The following DPP10 variants were observed in gnomAD, a reference collection of about 807,000 sequenced individuals.
The protein encoded by DPP10 is dipeptidyl peptidase like 10.
A neutral mutation model predicts 120.9 loss-of-function variants in DPP10; 33 were observed. That is an observed-to-expected ratio of 0.27 (90% CI 0.21 to 0.37). The LOEUF (loss-of-function observed/expected upper bound fraction) is 0.37, where lower values mean the gene tolerates loss of function less well. Ranked by LOEUF, DPP10 falls within the 10% of genes least tolerant of loss-of-function variation. DPP10 has a pLI of 1.00. For synonymous variants in DPP10, 337 were observed against 326.1 expected (o/e 1.03, Z -0.36); for missense variants, 816 against 942.8 (o/e 0.87, Z 1.76).
At chr2:114,455,726 T>A (rs1034856002) in intron 1 of DPP10, among the ~76,000 whole-genome samples, 1 of 59,008 alleles carries the variant, frequency 1.7e-5, no homozygotes, top group African/African-American at 5.2e-5. Context: ...CACAAATTCA[T>A]TTGTTTTTTT....
At chr2:114,706,801 G>A (rs1414947134) in intron 1 of DPP10, among the ~76,000 whole-genome samples, 1 of 152,210 alleles carries the variant, frequency 6.6e-6, no homozygotes, top group Non-Finnish European at 1.5e-5. Flanking sequence ...TCCAGGCAGT[G>A]GAGGAGCAGA....
At chr2:114,900,499 G>C (rs898282609) in intron 1 of DPP10, among the ~76,000 whole-genome samples, 2 of 152,132 alleles carry the variant, frequency 1.3e-5, no homozygotes, top group Non-Finnish European at 2.9e-5. Context: ...TCAGAAATTT[G>C]GATTTTCTCA....
chr2:114,789,733 G>A lies in DPP10; in HGVS notation c.60+346895G>A, dbSNP rs189338824. ...AAATAAATACATTGATTAATAATAT[G>A]GTACACAAAGGGATGGAGATGGGAA... is the stretch of plus-strand genomic sequence containing the variant. On this transcript the variant is annotated intron_variant, in intron 1 of 25. Coordinates refer to ENST00000410059, the MANE Select transcript of DPP10 (RefSeq NM_020868.6). Among the ~76,000 whole-genome samples the A allele has an allele frequency of 2.4e-3, 373 of 152,296 alleles. 2 individuals are homozygous for A. The highest frequency in any genetic ancestry group is 8.4e-3 in the African/African-American group (349 of 41,568).
chr2:115,222,276 T>C (rs1178218580), intron 1 of DPP10, among the ~76,000 whole-genome samples: 2 of 152,148 alleles, frequency 1.3e-5, no homozygotes, highest in Non-Finnish European at 2.9e-5. Flanking sequence ...ACCAGAGGCA[T>C]CTCTAGCTCA....
chr2:114,616,296 C>T (rs1693669002), intron 1 of DPP10, among the ~76,000 whole-genome samples: 1 of 152,112 alleles, frequency 6.6e-6, no homozygotes, highest in South Asian at 2.1e-4. Flanking sequence ...TAATGACTTG[C>T]TGTACCCAGT....
intron 3 of DPP10, among the ~76,000 whole-genome samples, chr2:115,392,160 T>A (rs1292232951): frequency 1.3e-5 from 2 of 151,960 alleles, no homozygotes; most frequent in Non-Finnish European, 2.9e-5. Flanking sequence ...CGATGGGAAA[T>A]CAATTCAAAG....
At chr2:114,497,865 G>T (rs1682816066) in intron 1 of DPP10, among the ~76,000 whole-genome samples, 1 of 152,116 alleles carries the variant, frequency 6.6e-6, no homozygotes, top group East Asian at 1.9e-4. Flanking sequence ...ACAAGGGGGA[G>T]GGCAGGTATG....
rs541544450 is a variant in DPP10, at chr2:115,224,085, T to C, written c.61-85154T>C. On this transcript the variant is annotated intron_variant, in intron 1 of 25. Transcript: ENST00000410059. ...TCAAAGTAGTCCTGCTTTGAGTTTATTGTCTATTAAATAGAAAACAGTCAT... is the reference window on the plus strand; with the variant it reads ...TCAAAGTAGTCCTGCTTTGAGTTTACTGTCTATTAAATAGAAAACAGTCAT... 3.3e-5 allele frequency among the ~76,000 whole-genome samples: 5 copies of C among 152,284 alleles called. No individual in the cohort carries two copies. In the South Asian group the frequency reaches 6.2e-4, roughly 19 times the overall value.
chr2:115,615,742 C>T (rs926925495), intron 5 of DPP10, among the ~76,000 whole-genome samples: 4 of 151,952 alleles, frequency 2.6e-5, no homozygotes, highest in Non-Finnish European at 2.9e-5. Flanking sequence ...CTAATATTTT[C>T]GAAAAATGGA....
intron 1 of DPP10, among the ~76,000 whole-genome samples, chr2:115,116,084 T>A (rs2104708273): frequency 6.6e-6 from 1 of 152,296 alleles, no homozygotes; most frequent in Non-Finnish European, 1.5e-5. Context: ...ACTTTAACCT[T>A]TTGATTTCCT....
At chr2:115,205,560 A>G (rs529557172) in intron 1 of DPP10, among the ~76,000 whole-genome samples, 1 of 152,280 alleles carries the variant, frequency 6.6e-6, no homozygotes, top group African/African-American at 2.4e-5. Context: ...TTGCTCTACC[A>G]AAAAGACACG....
intron 5 of DPP10, among the ~76,000 whole-genome samples, chr2:115,548,725 A>C (rs950280240): frequency 6.6e-6 from 1 of 152,182 alleles, no homozygotes; most frequent in African/African-American, 2.4e-5. Context: ...ATGATGTTTG[A>C]TATGTCCATG....
chr2:114,726,597 C>A (rs1043680752), intron 1 of DPP10, among the ~76,000 whole-genome samples: 8 of 152,094 alleles, frequency 5.3e-5, no homozygotes, highest in Non-Finnish European at 1.0e-4. Context: ...AAAAATTTCA[C>A]TTTGCTGTTT....
chr2:115,093,932 G>GTT (rs1219673144), intron 1 of DPP10, among the ~76,000 whole-genome samples: 3 of 151,892 alleles, frequency 2.0e-5, no homozygotes, highest in Admixed American at 6.6e-5. Context: ...ATTTTTTTGT[G>GTT]TCCATGAGAC....
intron 1 of DPP10, among the ~76,000 whole-genome samples, chr2:114,549,884 G>C (rs1687746118): frequency 6.6e-6 from 1 of 152,036 alleles, no homozygotes; most frequent in Non-Finnish European, 1.5e-5. Context: ...TCATACACAG[G>C]CAGACAGCCT....
chr2:114,542,878 G>T (rs1244382006), intron 1 of DPP10, among the ~76,000 whole-genome samples: 1 of 152,162 alleles, frequency 6.6e-6, no homozygotes. Context: ...CTTAGGATGA[G>T]ATCTTTCTTA....
intron 5 of DPP10, among the ~76,000 whole-genome samples, chr2:115,614,285 C>T (rs534355171): frequency 3.0e-4 from 46 of 152,090 alleles, no homozygotes; most frequent in Non-Finnish European, 6.0e-4. Context: ...GAGTTAGCTC[C>T]GTACATTGCA....
At chr2:115,592,593 A>C (rs1026339494) in intron 5 of DPP10, among the ~76,000 whole-genome samples, 6 of 151,772 alleles carry the variant, frequency 4.0e-5, no homozygotes, top group Non-Finnish European at 5.9e-5. Flanking sequence ...AAAAAACAAA[A>C]AAAAAAACAA....
chr2:114,981,206 G>T (rs990387064), intron 1 of DPP10, among the ~76,000 whole-genome samples: 1 of 152,022 alleles, frequency 6.6e-6, no homozygotes, highest in South Asian at 2.1e-4. Context: ...GGGGCTATAC[G>T]ATGTCTGTGC....
Sources: gnomAD v4.1 joint callset for allele counts (sites outside exome capture counted in the v4.1 genomes callset) on GRCh38, gnomAD v4.1.1 for gene constraint, MANE v1.5 for transcripts, NCBI Gene and HGNC (gene_info 2026-07-23, HGNC 2026-07-21) for gene names.